TMTC3: variants seen among roughly 807,000 people sequenced by gnomAD.
TMTC3 encodes protein O-mannosyl-transferase TMTC3.
TMTC3 carries 52 observed loss-of-function variants against 92.2 expected under a neutral mutation model. That is an observed-to-expected ratio of 0.56 (90% CI 0.45 to 0.71). The LOEUF (loss-of-function observed/expected upper bound fraction) is 0.71. Among genes scored for constraint, TMTC3 ranks in the 30% least tolerant of loss-of-function variants. TMTC3 has a pLI of 0.00. For missense variants in TMTC3, 896 were observed against 1,057.1 expected (o/e 0.85, Z 2.11); for synonymous variants, 339 against 363.3 (o/e 0.93, Z 0.76).
In TMTC3 at chr12:88,153,516, A is replaced by C; in HGVS notation, c.408+7A>C. 6.5e-7 allele frequency: 1 copy of C among 1,541,452 alleles called. No individual in the cohort carries two copies. The highest frequency in any genetic ancestry group is 8.9e-7 in the Non-Finnish European group (1 of 1,121,004). Reference sequence around the variant, plus strand: ...CCCAATACACACAGAAGCAGTAAGTAAAACTATGAACTGACTTTTTTTCTT... The same window carrying C: ...CCCAATACACACAGAAGCAGTAAGTCAAACTATGAACTGACTTTTTTTCTT... On this transcript the variant is annotated splice_region_variant and intron_variant, in intron 3 of 13. Coordinates refer to ENST00000266712, the MANE Select transcript of TMTC3 (RefSeq NM_181783.4).
chr12:88,147,002 G>A (rs2040883959), intron 1 of TMTC3, among the ~76,000 whole-genome samples: 1 of 149,670 alleles, frequency 6.7e-6, no homozygotes, highest in Admixed American at 6.7e-5. Flanking sequence ...TCTCTTAAAG[G>A]TTGCAGTTAC....
In TMTC3 at chr12:88,153,496, TACAC is replaced by T; in HGVS notation, c.399_402del (p.His133GlnfsTer4). On this transcript the variant is annotated frameshift_variant, in exon 3 of 14. Coordinates refer to ENST00000266712, the MANE Select transcript of TMTC3 (RefSeq NM_181783.4). LOFTEE classifies it high-confidence loss of function. ...TCTTTACTTTTTGCAGTGCACCCAA[TACAC>T]ACAGAAGCAGTAAGTAAAACTATGA... 2 of 1,604,530 alleles carry T rather than the reference TACAC, an allele frequency of 1.2e-6. No homozygotes were observed. Among genetic ancestry groups the T allele is most frequent in the Non-Finnish European group, 1.7e-6 (2 of 1,173,112 alleles).
At chr12:88,146,607 GTGTGTA>G (rs1489959546) in intron 1 of TMTC3, among the ~76,000 whole-genome samples, 1 of 147,334 alleles carries the variant, frequency 6.8e-6, no homozygotes, top group Non-Finnish European at 1.5e-5. Context: ...GTGTGTGTGT[GTGTGTA>G]TATATATATA....
chr12:88,176,164 T>A, intron 9 of TMTC3, 44 bp from the exon 10 acceptor site: 1 of 1,098,464 alleles, frequency 9.1e-7, no homozygotes, highest in Non-Finnish European at 1.3e-6. Flanking sequence ...ACTGGAGTCA[T>A]TTTTTTTTAA....
intron 10 of TMTC3, among the ~76,000 whole-genome samples, chr12:88,185,416 C>G (rs1030716958): frequency 1.3e-5 from 2 of 151,384 alleles, no homozygotes; most frequent in Non-Finnish European, 2.9e-5. Context: ...GAATCAAAAA[C>G]CCATACCTTG....
In TMTC3 at chr12:88,166,493, C is replaced by A. The variant is rs2041145224; in HGVS notation, c.961C>A (p.Leu321Met). The A allele has an allele frequency of 6.2e-7, 1 of 1,613,784 alleles. No homozygotes were observed. Among genetic ancestry groups the A allele is most frequent in the African/African-American group, 1.3e-5 (1 of 74,880 alleles). The change falls in exon 7 of 14, where the codon CTG becomes ATG. Residue 321 changes from leucine to methionine, a missense_variant. By Grantham distance (15) the Leu-to-Met change is conservative. Transcript: ENST00000266712. The stretch of plus-strand genomic sequence containing the variant: ...AGAGTCATTACTAGATATTCGAAAT[C>A]TGGCCACATTTACTTTCTTTTGTTT... ...LIESLLDIRN[L>M]ATFTFFCFLG...
At chr12:88,145,734 T>C (rs897138759) in intron 1 of TMTC3, among the ~76,000 whole-genome samples, 1 of 152,210 alleles carries the variant, frequency 6.6e-6, no homozygotes, top group Non-Finnish European at 1.5e-5. Context: ...ATCAGCACTT[T>C]ACGTGAGATA....
intron 6 of TMTC3, among the ~76,000 whole-genome samples, chr12:88,165,541 A>G (rs866955780): frequency 6.6e-6 from 1 of 152,116 alleles, no homozygotes; most frequent in Admixed American, 6.5e-5. Flanking sequence ...AAGTGGCAGT[A>G]GTTGATTTTC....
intron 8 of TMTC3, 50 bp downstream of exon 8, chr12:88,172,795 A>T (rs758513614): frequency 6.4e-7 from 1 of 1,557,870 alleles, no homozygotes; most frequent in East Asian, 2.3e-5. Flanking sequence ...ATTAAGTGTG[A>T]CACATTTTAA....
At position 88,194,939 on chromosome 12, in the gene TMTC3, A is replaced by G. The variant is rs1164589890; in HGVS notation, c.2035A>G (p.Met679Val). ...GTATTTCAATTTGGGAATGCTTGCCATGGATGACAAAAAGGACAATGAAGC... is the reference window on the plus strand; with the variant it reads ...GTATTTCAATTTGGGAATGCTTGCCGTGGATGACAAAAAGGACAATGAAGC... The part of the protein sequence containing the change: ...NGYFNLGMLA[M>V]DDKKDNEAEI... The change falls in exon 14 of 14, where the codon ATG (methionine) becomes GTG (valine). Residue 679 changes from methionine (M) to valine (V), a missense_variant. Transcript: ENST00000266712. 3.1e-6 allele frequency: 5 copies of G among 1,613,860 alleles called. No homozygotes were observed. The Middle Eastern group carries it at 6.6e-4, about 213-fold the overall frequency.
intron 6 of TMTC3, among the ~76,000 whole-genome samples, chr12:88,165,181 G>A (rs1268791150): frequency 6.6e-6 from 1 of 152,032 alleles, no homozygotes; most frequent in Non-Finnish European, 1.5e-5. Context: ...TCAACATTGT[G>A]TATATATGTT....
At chr12:88,154,678 C>A (rs1453576108) in intron 4 of TMTC3, among the ~76,000 whole-genome samples, 2 of 152,118 alleles carry the variant, frequency 1.3e-5, no homozygotes, top group African/African-American at 4.8e-5. Flanking sequence ...CTAGTTCCAT[C>A]TTCTGTTATC....
At chr12:88,178,646 G>C (rs2041284855) in intron 10 of TMTC3, among the ~76,000 whole-genome samples, 1 of 152,126 alleles carries the variant, frequency 6.6e-6, no homozygotes, top group African/African-American at 2.4e-5. Flanking sequence ...TCATCAAGTA[G>C]GGTCCTATAC....
intron 8 of TMTC3, 39 bp downstream of exon 8, chr12:88,172,784 A>T: frequency 6.4e-7 from 1 of 1,569,292 alleles, no homozygotes; most frequent in Non-Finnish European, 8.6e-7. Flanking sequence ...CTTACTATGG[A>T]ATTAAGTGTG....
chr12:88,150,496 T>C (rs994497556), intron 2 of TMTC3, among the ~76,000 whole-genome samples: 7 of 152,194 alleles, frequency 4.6e-5, no homozygotes, highest in African/African-American at 1.7e-4. Context: ...CTTTGCAGAT[T>C]GAAAATTTGA....
intron 8 of TMTC3, among the ~76,000 whole-genome samples, chr12:88,173,603 G>A (rs1351438958): frequency 6.6e-6 from 1 of 151,894 alleles, no homozygotes; most frequent in East Asian, 1.9e-4. Context: ...AAGTCTTATG[G>A]CCACTTTTTT....
intron 8 of TMTC3, among the ~76,000 whole-genome samples, 182 bp from the exon 9 acceptor site, chr12:88,174,425 C>T (rs1312917036): frequency 6.6e-6 from 1 of 151,992 alleles, no homozygotes; most frequent in Non-Finnish European, 1.5e-5. Context: ...GTCATATTCA[C>T]AGTATTTAAT....
At chr12:88,161,804 TA>T (rs2041082998) in intron 6 of TMTC3, among the ~76,000 whole-genome samples, 1 of 151,016 alleles carries the variant, frequency 6.6e-6, no homozygotes, top group Non-Finnish European at 1.5e-5. Flanking sequence ...AATATATATA[TA>T]AAATAAAAAT....
chr12:88,150,958 A>G (rs1592722464), intron 2 of TMTC3, among the ~76,000 whole-genome samples: 1 of 152,262 alleles, frequency 6.6e-6, no homozygotes, highest in South Asian at 2.1e-4. Flanking sequence ...GGCTTATGCT[A>G]TAGATATGTG....
Sources: allele counts gnomAD v4.1 joint callset (sites outside exome capture counted in the v4.1 genomes callset), GRCh38; gene constraint gnomAD v4.1.1; transcripts MANE v1.5; gene names NCBI Gene and HGNC (gene_info 2026-07-23, HGNC 2026-07-21).